Variants in CFAP251 observed in about 807,000 individuals in gnomAD.
CFAP251 encodes the protein cilia and flagella associated protein 251, also known as cilia- and flagella-associated protein 251.
In CFAP251, 93 loss-of-function variants were observed where a neutral mutation model predicts 126.7. That is an observed-to-expected ratio of 0.73 (90% CI 0.62 to 0.87). CFAP251 has a LOEUF of 0.87. Among genes scored for constraint, CFAP251 ranks in the 40% least tolerant of loss-of-function variants. The pLI is 0.00. For missense variants in CFAP251, 1,287 were observed against 1,389.2 expected (o/e 0.93, Z 1.17); for synonymous variants, 503 against 506.9 (o/e 0.99, Z 0.10).
At chr12:121,934,204 C>G in intron 4 of CFAP251, 43 bp from the exon 5 acceptor site, 2 of 1,527,224 alleles carry the variant, frequency 1.3e-6, no homozygotes, top group Non-Finnish European at 1.8e-6. Flanking sequence ...AAGGCTGGGC[C>G]GCATCTTGGA....
chr12:121,982,865 G>A (rs1882656421), intron 19 of CFAP251, among the ~76,000 whole-genome samples: 1 of 152,080 alleles, frequency 6.6e-6, no homozygotes, highest in South Asian at 2.1e-4. Flanking sequence ...TGCTTGAGAG[G>A]CTGAGGCAGG....
At position 121,975,611 on chromosome 12, in the gene CFAP251, G is replaced by C; in HGVS notation, c.2932G>C (p.Val978Leu). Residue 978 changes from valine to leucine, a missense_variant, in exon 19 of 22, where the codon GTG becomes CTG. Coordinates refer to ENST00000288912, the MANE Select transcript of CFAP251 (RefSeq NM_144668.6). ...QGIDTMETRK[V>L]SEHICLSELP... ...CATCGACACAATGGAGACCAGAAAG[G>C]TGTCAGAACACATTTGCCTGTCAGA... 6.2e-7 allele frequency: 1 copy of C among 1,603,650 alleles called. No homozygotes were observed. The highest frequency in any genetic ancestry group is 8.5e-7 in the Non-Finnish European group (1 of 1,177,370).
At chr12:121,953,802 A>G (rs1169663778) in intron 9 of CFAP251, 1 of 254,736 alleles carries the variant, frequency 3.9e-6, no homozygotes, top group Non-Finnish European at 7.5e-6. Context: ...AACAGGCATT[A>G]GTTTCTTCAC....
At chr12:122,000,052 G>A in intron 20 of CFAP251, 108 bp downstream of exon 20, 3 of 1,062,412 alleles carry the variant, frequency 2.8e-6, no homozygotes, top group African/African-American at 1.6e-5. Context: ...CATGAAAGAG[G>A]TGATTTGACC....
rs1290403168 is a variant in CFAP251 at position 121,921,314 on chromosome 12, T to G, written c.9T>G (p.Asp3Glu). ...AAACTCTACAGAGAAGAATGTCAGA[T>G]GCAGCAGAAGCTCCCCGAGAAGCAA... MSDAAEAPREATG... is the reference protein window; with the variant it reads MSEAAEAPREATG... The change falls in exon 2 of 22, where the codon GAT becomes GAG. Residue 3 changes from aspartate to glutamate, a missense_variant. Coordinates refer to ENST00000288912, the MANE Select transcript of CFAP251 (RefSeq NM_144668.6). 2 of 1,586,782 alleles carry G rather than the reference T, an allele frequency of 1.3e-6. No homozygotes were observed. The highest frequency in any genetic ancestry group is 1.2e-5 in the South Asian group (1 of 86,730).
chr12:121,926,222 C>T (rs1368363581), intron 3 of CFAP251, among the ~76,000 whole-genome samples: 5 of 151,942 alleles, frequency 3.3e-5, no homozygotes, highest in Non-Finnish European at 5.9e-5. Context: ...CTCAATCCTC[C>T]CACTTCAGCC....
chr12:121,926,518 G>A (rs1006261253), intron 3 of CFAP251, among the ~76,000 whole-genome samples: 4 of 151,796 alleles, frequency 2.6e-5, no homozygotes, highest in African/African-American at 9.7e-5. Flanking sequence ...TTTAGAGATG[G>A]GGTCTCACTA....
At chr12:121,941,905 G>A (rs1289198340) in intron 5 of CFAP251, among the ~76,000 whole-genome samples, 2 of 152,150 alleles carry the variant, frequency 1.3e-5, no homozygotes, top group Non-Finnish European at 2.9e-5. Context: ...ATTCCCACCT[G>A]TGTAGGAGAG....
intron 19 of CFAP251, among the ~76,000 whole-genome samples, chr12:121,993,193 C>T (rs1261712752): frequency 7.0e-6 from 1 of 143,036 alleles, no homozygotes; most frequent in Non-Finnish European, 1.5e-5. Context: ...GGTCTCCAGC[C>T]CCTAACCGCG....
At chr12:121,926,046 T>A (rs1458289929) in intron 3 of CFAP251, among the ~76,000 whole-genome samples, 1 of 82,358 alleles carries the variant, frequency 1.2e-5, no homozygotes, top group African/African-American at 5.0e-5. Flanking sequence ...TTTTTTTTTT[T>A]AGTAGAGACG....
intron 19 of CFAP251, among the ~76,000 whole-genome samples, chr12:121,978,018 CTAAT>C (rs1157038181): frequency 1.3e-5 from 2 of 151,176 alleles, no homozygotes; most frequent in Non-Finnish European, 3.0e-5. Context: ...AACAAAAAAA[CTAAT>C]TGATACCACA....
At position 121,951,511 on chromosome 12, in the gene CFAP251, C is replaced by G; in HGVS notation, c.1301C>G (p.Ala434Gly). Residue 434 changes from alanine (A) to glycine (G), a missense_variant, in exon 9 of 22, where the codon GCC becomes GGC. Coordinates refer to ENST00000288912, the MANE Select transcript of CFAP251 (RefSeq NM_144668.6). The part of the protein sequence containing the change: ...YEERDTLAHS[A>G]PLLTEKTFNK... ...GAGAGGGATACACTGGCTCACAGTG[C>G]CCCACTTTTAACTGAAAAAGTGAGT... 6.3e-7 allele frequency: 1 copy of G among 1,583,298 alleles called. No homozygotes were observed.
intron 3 of CFAP251, among the ~76,000 whole-genome samples, chr12:121,924,981 C>T (rs1390947649): frequency 6.6e-6 from 1 of 151,796 alleles, no homozygotes; most frequent in Admixed American, 6.6e-5. Context: ...TCTTCTTCCC[C>T]TCCCCTCTCC....
rs1435872213 is a variant in CFAP251 at position 121,957,194 on chromosome 12, C to A, written c.1656C>A (p.Thr552=). 6.2e-6 allele frequency: 10 copies of A among 1,614,032 alleles called. No individual in the cohort carries two copies. The highest frequency in any genetic ancestry group is 8.5e-6 in the Non-Finnish European group (10 of 1,179,974). ...GAIRTLSFSK[T]PATPPTEKSN... ...TAAGAACTCTGTCCTTTTCAAAGAC[C>A]CCAGCAACTCCTCCTACTGAAAAAT... Residue 552 remains threonine, a synonymous_variant, in exon 11 of 22, where the codon ACC becomes ACA. Coordinates refer to ENST00000288912, the MANE Select transcript of CFAP251 (RefSeq NM_144668.6).
chr12:121,926,549 A>T (rs1880424421), intron 3 of CFAP251, among the ~76,000 whole-genome samples: 1 of 151,596 alleles, frequency 6.6e-6, no homozygotes, highest in East Asian at 2.0e-4. Context: ...GCTGGCCTTG[A>T]ACTCCTAAGC....
chr12:121,974,978 A>C lies in CFAP251; in HGVS notation c.2772-266A>C, dbSNP rs1882420195. ...ACATGTTCCCCAAAGATTGCAGACA[A>C]ATTGCCAAGCACCTGCCCTGTCATC... On this transcript the variant is annotated intron_variant, in intron 17 of 21. Coordinates refer to ENST00000288912, the MANE Select transcript of CFAP251 (RefSeq NM_144668.6). This position sits in a 1 kb window ranked among gnomAD's most constrained non-coding sequence, Gnocchi z 4.6. Among the ~76,000 whole-genome samples the C allele has an allele frequency of 6.6e-6, 1 of 152,190 alleles. No individual in the cohort carries two copies. The highest frequency in any genetic ancestry group is 6.5e-5 in the Admixed American group (1 of 15,276).
intron 3 of CFAP251, among the ~76,000 whole-genome samples, chr12:121,925,893 G>T (rs187768280): frequency 6.6e-6 from 1 of 152,146 alleles, no homozygotes; most frequent in East Asian, 1.9e-4. Flanking sequence ...CACCTAGGCT[G>T]GAGTGCAGTG....
At chr12:121,964,864 C>A (rs988202780) in intron 15 of CFAP251, among the ~76,000 whole-genome samples, 1 of 152,108 alleles carries the variant, frequency 6.6e-6, no homozygotes, top group Non-Finnish European at 1.5e-5. Context: ...TTACTAGCCA[C>A]TTTACTCCAG....
chr12:121,959,370 G>A (rs1019025871), intron 13 of CFAP251: 25 of 326,878 alleles, frequency 7.6e-5, no homozygotes, highest in Non-Finnish European at 1.2e-4. Context: ...CGGGCCAGGA[G>A]TTTGAGGTTA....
Sources: allele counts gnomAD v4.1 joint callset (sites outside exome capture counted in the v4.1 genomes callset), GRCh38; gene constraint gnomAD v4.1.1; non-coding constraint Gnocchi (gnomAD v3.1); transcripts MANE v1.5; gene names NCBI Gene and HGNC (gene_info 2026-07-23, HGNC 2026-07-21).